The following RPS5 variants were observed in gnomAD, a reference collection of about 807,000 sequenced individuals.
RPS5 encodes ribosomal protein S5.
A neutral mutation model predicts 20.9 loss-of-function variants in RPS5; 2 were observed. That is an observed-to-expected ratio of 0.10 (90% CI 0.04 to 0.30). The LOEUF (loss-of-function observed/expected upper bound fraction) is 0.30. Among genes scored for constraint, RPS5 ranks in the 10% least tolerant of loss-of-function variants. The pLI is 1.00. For synonymous variants in RPS5, 112 were observed against 105.8 expected (o/e 1.06, Z -0.36); for missense variants, 122 against 287.2 (o/e 0.42, Z 4.16).
intron 2 of RPS5, 77 bp from the exon 3 acceptor site, chr19:58,392,899 C>A (rs1211010551): frequency 2.2e-6 from 3 of 1,383,010 alleles, no homozygotes; most frequent in African/African-American, 2.8e-5. Flanking sequence ...GGTACTTGAT[C>A]TCTCCTCTGG....
At chr19:58,392,119 C>T (rs1239050134) in intron 2 of RPS5, among the ~76,000 whole-genome samples, 1 of 152,044 alleles carries the variant, frequency 6.6e-6, no homozygotes, top group Non-Finnish European at 1.5e-5. Context: ...GTCAAGAGTT[C>T]GAGACCAGCC....
chr19:58,390,299 A>G lies in RPS5; in HGVS notation c.108+2054A>G, dbSNP rs183156797. Among the ~76,000 whole-genome samples, 16 of 150,090 alleles carry G rather than the reference A, an allele frequency of 1.1e-4. No individual in the cohort carries two copies. The South Asian group carries it at 2.1e-3, about 20-fold the overall frequency. ...ACCTCTGCCTCCCCAGGGTCATGCG[A>G]CTTTCCTGCCTCAGCCTCCCGAAGT... On this transcript the variant is annotated intron_variant, in intron 2 of 5. Coordinates refer to ENST00000196551, the MANE Select transcript of RPS5 (RefSeq NM_001009.4).
chr19:58,390,426 C>CTTTTTTTTT (rs61279930), intron 2 of RPS5, among the ~76,000 whole-genome samples: 1 of 47,662 alleles, frequency 2.1e-5, no homozygotes, highest in African/African-American at 6.8e-5. Context: ...GCCACTGTTA[C>CTTTTTTTTT]TTTTTTTTTT....
At chr19:58,387,998 G>C (rs78475971) in intron 1 of RPS5, 139 bp from the exon 2 acceptor site, 1 of 620,734 alleles carries the variant, frequency 1.6e-6, no homozygotes, top group Non-Finnish European at 2.9e-6. Context: ...TTGAAAACAC[G>C]TTCACGGCCT....
rs2052339253 is a variant in RPS5, at chr19:58,388,164, A to G, written c.27A>G (p.Pro9=). 6 of 1,612,886 alleles carry G rather than the reference A, an allele frequency of 3.7e-6. No homozygotes were observed. In the East Asian group the frequency reaches 1.3e-4, roughly 36 times the overall value. The change falls in exon 2 of 6, where the codon CCA becomes CCG. Residue 9 remains proline, a synonymous_variant. Transcript: ENST00000196551. ...TGACCGAGTGGGAGACAGCAGCACCAGCGGTGGCAGAGACCCCAGACATCA... is the reference window on the plus strand; with the variant it reads ...TGACCGAGTGGGAGACAGCAGCACCGGCGGTGGCAGAGACCCCAGACATCA... MTEWETAA[P]AVAETPDIKL...
intron 2 of RPS5, among the ~76,000 whole-genome samples, chr19:58,389,069 C>A (rs1294440661): frequency 6.6e-6 from 1 of 152,252 alleles, no homozygotes; most frequent in East Asian, 1.9e-4. Flanking sequence ...GTTCCTACTC[C>A]GTACGGTTTT....
chr19:58,393,594 G>C (rs1336352434), intron 4 of RPS5, 107 bp downstream of exon 4: 4 of 1,407,054 alleles, frequency 2.8e-6, no homozygotes, highest in Non-Finnish European at 1.9e-6. Flanking sequence ...TTTACCTGCA[G>C]CATCACTTCC....
At chr19:58,392,379 A>G (rs2052369459) in intron 2 of RPS5, among the ~76,000 whole-genome samples, 1 of 151,984 alleles carries the variant, frequency 6.6e-6, no homozygotes, top group Admixed American at 6.6e-5. Context: ...TAATCCCAAC[A>G]CTTTGGGAGG....
intron 1 of RPS5, chr19:58,387,702 G>A (rs2052335145): frequency 5.6e-6 from 1 of 179,382 alleles, no homozygotes; most frequent in Admixed American, 5.6e-5. Context: ...GGTTGATTGT[G>A]CCACACGGTA....
rs748239028 is a variant in RPS5 at position 58,393,484 on chromosome 19, C to T, written c.444C>T (p.Asn148=). The T allele has an allele frequency of 4.3e-6, 7 of 1,610,656 alleles. No individual in the cohort carries two copies. The highest frequency in any genetic ancestry group is 1.7e-5 in the Admixed American group (1 of 59,998). ...AVDVSPLRRV[N]QAIWLLCTGA... ...ATGTGTCCCCCCTGCGCCGTGTGAA[C>T]CAGGTGAGCCTGGGGCTTATGCACG... is the stretch of plus-strand genomic sequence containing the variant. The change falls in exon 4 of 6, where the codon AAC becomes AAT. Residue 148 remains asparagine, a synonymous_variant. Coordinates refer to ENST00000196551, the MANE Select transcript of RPS5 (RefSeq NM_001009.4).
At chr19:58,388,283 G>A in intron 2 of RPS5, 38 bp downstream of exon 2, 2 of 1,423,452 alleles carry the variant, frequency 1.4e-6, no homozygotes, top group Non-Finnish European at 2.0e-6. Flanking sequence ...CTGGCTGGGG[G>A]CGGACATTAT....
intron 2 of RPS5, among the ~76,000 whole-genome samples, chr19:58,392,005 G>A (rs764451579): frequency 6.6e-6 from 1 of 152,100 alleles, no homozygotes; most frequent in Non-Finnish European, 1.5e-5. Flanking sequence ...GCAATGCCTG[G>A]ATACATTTTT....
intron 2 of RPS5, among the ~76,000 whole-genome samples, chr19:58,391,179 C>G (rs1375338212): frequency 6.6e-6 from 1 of 152,106 alleles, no homozygotes; most frequent in Non-Finnish European, 1.5e-5. Flanking sequence ...GCGCCGTAAT[C>G]CCAGCACTTT....
chr19:58,391,544 A>C (rs985774370), intron 2 of RPS5, among the ~76,000 whole-genome samples: 3 of 151,772 alleles, frequency 2.0e-5, no homozygotes, highest in African/African-American at 7.3e-5. Context: ...TGGAGGTTGC[A>C]GTGAGCCAAG....
In RPS5 at chr19:58,390,319, C is replaced by T. The variant is rs150640347; in HGVS notation, c.108+2074C>T. ...ATGCGACTTTCCTGCCTCAGCCTCC[C>T]GAAGTGCTGGGGTTATAGGCATGAG... On this transcript the variant is annotated intron_variant, in intron 2 of 5. Transcript: ENST00000196551. Among the ~76,000 whole-genome samples, 923 of 151,416 alleles carry T rather than the reference C, an allele frequency of 6.1e-3. 5 individuals carry two copies. The highest frequency in any genetic ancestry group is 0.02 in the African/African-American group (833 of 41,050).
chr19:58,387,409 TG>T (rs764548453), intron 1 of RPS5, 70 bp downstream of exon 1: 3 of 152,280 alleles, frequency 2.0e-5, no homozygotes, highest in Non-Finnish European at 4.4e-5. Flanking sequence ...CCCCGCGGCC[TG>T]GGCCTTTTCT....
chr19:58,388,586 T>G, intron 2 of RPS5: 1 of 405,334 alleles, frequency 2.5e-6, no homozygotes. Context: ...GATGTTTTTT[T>G]TCCCTCAATT....
At chr19:58,388,863 T>G (rs1405550448) in intron 2 of RPS5, among the ~76,000 whole-genome samples, 1 of 151,990 alleles carries the variant, frequency 6.6e-6, no homozygotes, top group African/African-American at 2.4e-5. Context: ...TCTCCTGACC[T>G]CGTGATCCGC....
chr19:58,392,934 C>G (rs140308068), intron 2 of RPS5, 42 bp from the exon 3 acceptor site: 1 of 1,596,220 alleles, frequency 6.3e-7, no homozygotes, highest in African/African-American at 1.3e-5. Context: ...CCATGCTGCT[C>G]CTGACCATTT....
Sources: gnomAD v4.1 joint callset for allele counts (sites outside exome capture counted in the v4.1 genomes callset) on GRCh38, gnomAD v4.1.1 for gene constraint, MANE v1.5 for transcripts, NCBI Gene and HGNC (gene_info 2026-07-23, HGNC 2026-07-21) for gene names.